DPYSL2: variants seen among roughly 807,000 people sequenced by gnomAD.
DPYSL2 encodes the protein dihydropyrimidinase like 2.
DPYSL2 carries 13 observed loss-of-function variants against 69.9 expected under a neutral mutation model. The ratio of observed to expected loss-of-function variants is 0.19; its 90% CI spans 0.12 to 0.30. The LOEUF (loss-of-function observed/expected upper bound fraction) is 0.30. DPYSL2 is among the 10% of genes least tolerant of loss of function. DPYSL2 has a pLI of 1.00. For missense variants in DPYSL2, 587 were observed against 918.9 expected (o/e 0.64, Z 4.67); for synonymous variants, 326 against 359.1 (o/e 0.91, Z 1.04).
At chr8:26,547,876 C>G (rs1800805022) in intron 1 of DPYSL2, 3 of 295,618 alleles carry the variant, frequency 1.0e-5, no homozygotes, top group South Asian at 7.2e-5. Flanking sequence ...TGTGGCTGAT[C>G]TGACCTCCCT....
chr8:26,547,462 A>G lies in DPYSL2; in HGVS notation c.354+32783A>G, dbSNP rs76731819. Among the ~76,000 whole-genome samples the G allele has an allele frequency of 1.6e-3, 238 of 152,328 alleles. 1 individual carries two copies. The highest frequency in any genetic ancestry group is 5.4e-3 in the African/African-American group (225 of 41,574). On this transcript the variant is annotated intron_variant, in intron 1 of 13. Coordinates refer to ENST00000521913, the MANE Select transcript of DPYSL2 (RefSeq NM_001197293.3). ...TGTATCCACCCTTCAACAAAAAATT[A>G]CACGGCAAATTGAAAGACAAAAAAC...
chr8:26,612,854 T>C (rs1243101484), intron 3 of DPYSL2, among the ~76,000 whole-genome samples: 1 of 152,196 alleles, frequency 6.6e-6, no homozygotes, highest in East Asian at 1.9e-4. Flanking sequence ...AGTTTGGGGT[T>C]TGAGCTCCCA....
chr8:26,578,498 T>C, intron 1 of DPYSL2: 1 of 1,436,044 alleles, frequency 7.0e-7, no homozygotes, highest in Non-Finnish European at 9.1e-7. Flanking sequence ...TTGCAAGGCA[T>C]TAAACAGGAG....
chr8:26,655,785 T>A lies in DPYSL2; in HGVS notation c.*79T>A. 5 of 1,059,196 alleles carry A rather than the reference T, an allele frequency of 4.7e-6. No individual in the cohort carries two copies. Among genetic ancestry groups the A allele is most frequent in the South Asian group, 2.0e-5 (1 of 49,544 alleles). 65.6% of individuals were successfully genotyped at this position (1,059,196 alleles called of 1,614,324 possible). ...TTCTGAGACTTCTTTCTTCCTTCCT[T>A]TTTTTTTTTTTGTTTTTTTTTTTAA... On this transcript the variant is annotated 3_prime_UTR_variant, in exon 14 of 14. Transcript: ENST00000521913.
At chr8:26,625,569 G>A (rs751907793) in intron 4 of DPYSL2, among the ~76,000 whole-genome samples, 31 of 152,324 alleles carry the variant, frequency 2.0e-4, no homozygotes, top group Middle Eastern at 6.8e-3. Context: ...GGGCAGGGAT[G>A]TTTGGTCTGG....
At chr8:26,584,206 A>G (rs1801548021) in intron 3 of DPYSL2, among the ~76,000 whole-genome samples, 1 of 152,156 alleles carries the variant, frequency 6.6e-6, no homozygotes, top group South Asian at 2.1e-4. Context: ...GGTTCTAAGG[A>G]GTTTGGTAAG....
intron 1 of DPYSL2, among the ~76,000 whole-genome samples, chr8:26,557,634 A>AAAAAAG (rs1554535595): frequency 2.7e-5 from 4 of 149,876 alleles, no homozygotes; most frequent in Admixed American, 2.0e-4. Flanking sequence ...AAAAAAAAAA[A>AAAAAAG]AAAAAAAAGC....
rs1801082201 is a variant in DPYSL2 at position 26,562,158 on chromosome 8, A to G, written c.355-19811A>G. Among the ~76,000 whole-genome samples the G allele has an allele frequency of 1.3e-5, 2 of 152,200 alleles. No individual in the cohort carries two copies. Among genetic ancestry groups the G allele is most frequent in the African/African-American group, 2.4e-5 (1 of 41,446 alleles). The stretch of plus-strand genomic sequence containing the variant: ...AACAAGAGTGGATAAGAGGAAGGAC[A>G]CACACTGGTCAGACTGCAGGGCTTG... On this transcript the variant is annotated intron_variant, in intron 1 of 13. Transcript: ENST00000521913. The surrounding 1 kb of genome is among the most constrained non-coding windows in gnomAD (Gnocchi z 4.9).
At chr8:26,515,405 G>T (rs1172557886) in intron 1 of DPYSL2, among the ~76,000 whole-genome samples, 4 of 152,208 alleles carry the variant, frequency 2.6e-5, no homozygotes, top group Non-Finnish European at 5.9e-5. Flanking sequence ...TGTGGGAGGC[G>T]CTTTAGGAAG....
chr8:26,631,228 T>A lies in DPYSL2; in HGVS notation c.1005+3288T>A, dbSNP rs537394368. On this transcript the variant is annotated intron_variant, in intron 7 of 13. Coordinates refer to ENST00000521913, the MANE Select transcript of DPYSL2 (RefSeq NM_001197293.3). Reference sequence around the variant, plus strand: ...TAAAGAAATACGTGAGACTGGGTAATTTATAAAGAAAAGAGATTTAATTGA... The same window carrying A: ...TAAAGAAATACGTGAGACTGGGTAAATTATAAAGAAAAGAGATTTAATTGA... Among the ~76,000 whole-genome samples, 12 of 152,326 alleles carry A rather than the reference T, an allele frequency of 7.9e-5. No individual in the cohort carries two copies. The South Asian group carries it at 2.5e-3, about 32-fold the overall frequency.
intron 1 of DPYSL2, among the ~76,000 whole-genome samples, chr8:26,557,623 C>CAAAAAAAAA (rs56215906): frequency 2.6e-3 from 190 of 74,236 alleles, no homozygotes; most frequent in African/African-American, 3.1e-3. Context: ...ACTAAAAATA[C>CAAAAAAAAA]AAAAAAAAAA....
intron 1 of DPYSL2, among the ~76,000 whole-genome samples, chr8:26,537,078 T>A (rs2117618586): frequency 6.6e-6 from 1 of 152,294 alleles, no homozygotes; most frequent in Non-Finnish European, 1.5e-5. Flanking sequence ...AAAATTTGAT[T>A]TTCTGATGAG....
chr8:26,601,397 A>G (rs1801988258), intron 3 of DPYSL2, among the ~76,000 whole-genome samples: 2 of 151,038 alleles, frequency 1.3e-5, no homozygotes, highest in Admixed American at 1.3e-4. Context: ...TTTTGTTTTG[A>G]GACAGAGTCT....
intron 1 of DPYSL2, among the ~76,000 whole-genome samples, chr8:26,535,898 TTGTG>T (rs112620337): frequency 0.17 from 23,678 of 141,078 alleles, 2,015 homozygotes; most frequent in South Asian, 0.29. Context: ...TCTCTATGGG[TTGTG>T]TGTGTGTGTG....
Position 26,653,302 on chromosome 8 carries a change from A to C in DPYSL2, c.1847A>C (p.Lys616Thr). The change falls in exon 13 of 14, where the codon AAG (lysine) becomes ACG (threonine). Residue 616 changes from lysine to threonine, a missense_variant. Physicochemically the swap from Lys to Thr is moderately conservative, Grantham distance 78. Transcript: ENST00000521913. This position sits in a 1 kb window ranked among gnomAD's most constrained non-coding sequence, Gnocchi z 5.7. ...GPVCEVSVTP[K>T]TVTPASSAKT... is the part of the protein sequence containing the mutation. Reference sequence around the variant, plus strand: ...GTGTGTGAAGTGTCTGTGACGCCCAAGACAGTCACTCCAGCCTCCTCGGCC... The same window carrying C: ...GTGTGTGAAGTGTCTGTGACGCCCACGACAGTCACTCCAGCCTCCTCGGCC... 1 of 1,614,102 alleles carries C rather than the reference A, an allele frequency of 6.2e-7. No homozygotes were observed. The highest frequency in any genetic ancestry group is 8.5e-7 in the Non-Finnish European group (1 of 1,180,028).
intron 1 of DPYSL2, among the ~76,000 whole-genome samples, chr8:26,572,288 G>A (rs552891676): frequency 6.6e-5 from 10 of 152,296 alleles, no homozygotes; most frequent in African/African-American, 1.4e-4. Context: ...AACACGTTCC[G>A]GGCAGATGCT....
rs1802199335 is a variant in DPYSL2 at position 26,610,453 on chromosome 8, A to C, written c.629-13690A>C. ...TTTCTAGCATTTACTCTTATGTTAC[A>C]ATTAGTGCCTGCTTGCTGTGTGAAC... On this transcript the variant is annotated intron_variant, in intron 3 of 13. Transcript: ENST00000521913. This position sits in a 1 kb window ranked among gnomAD's most constrained non-coding sequence, Gnocchi z 4.5. Among the ~76,000 whole-genome samples the C allele has an allele frequency of 6.6e-6, 1 of 152,088 alleles. No homozygotes were observed. Among genetic ancestry groups the C allele is most frequent in the African/African-American group, 2.4e-5 (1 of 41,398 alleles).
rs200701929 is a variant in DPYSL2, at chr8:26,647,619, G to T, written c.1426-11G>T. 3 of 1,608,800 alleles carry T rather than the reference G, an allele frequency of 1.9e-6. No individual in the cohort carries two copies. In the South Asian group the frequency reaches 3.3e-5, roughly 18 times the overall value. ...TGTGCCTCCTGTGCACACCTATGCT[G>T]TCTCCCTCAGGTCACTGGGAAGATG... On this transcript the variant is annotated splice_polypyrimidine_tract_variant and intron_variant, in intron 10 of 13. Transcript: ENST00000521913. The surrounding 1 kb of genome is among the most constrained non-coding windows in gnomAD (Gnocchi z 5.1).
chr8:26,616,811 C>A lies in DPYSL2; in HGVS notation c.629-7332C>A, dbSNP rs562106806. On this transcript the variant is annotated intron_variant, in intron 3 of 13. Coordinates refer to ENST00000521913, the MANE Select transcript of DPYSL2 (RefSeq NM_001197293.3). ...TTGGTGACCTCTCTCCTCCCTCATGCTCCATGGGTATAACCCCAAGGTGGG... is the reference window on the plus strand; with the variant it reads ...TTGGTGACCTCTCTCCTCCCTCATGATCCATGGGTATAACCCCAAGGTGGG... Among the ~76,000 whole-genome samples the A allele has an allele frequency of 8.7e-5, 13 of 148,782 alleles. No homozygotes were observed. In the South Asian group the frequency reaches 2.7e-3, roughly 31 times the overall value.
Sources: gnomAD v4.1 joint callset for allele counts (sites outside exome capture counted in the v4.1 genomes callset) on GRCh38, gnomAD v4.1.1 for gene constraint, Gnocchi (gnomAD v3.1) non-coding constraint, MANE v1.5 for transcripts, NCBI Gene and HGNC (gene_info 2026-07-23, HGNC 2026-07-21) for gene names.